Variants in ANO2 observed in about 807,000 individuals in gnomAD.
The protein encoded by ANO2 is anoctamin 2.
Under a neutral mutation model 124.2 loss-of-function variants are expected in ANO2, and 101 were observed. The ratio of observed to expected loss-of-function variants is 0.81; its 90% CI spans 0.69 to 0.96. ANO2 has a LOEUF of 0.96. ANO2 is among the 40% of genes least tolerant of loss of function. The pLI, the probability that ANO2 is intolerant of heterozygous loss-of-function variation, is 0.00. For synonymous variants in ANO2, 486 were observed against 482.5 expected (o/e 1.01, Z -0.09); for missense variants, 1,293 against 1,274.5 (o/e 1.01, Z -0.22).
chr12:5,644,928 G>A (rs779064212), intron 15 of ANO2, among the ~76,000 whole-genome samples: 1 of 152,154 alleles, frequency 6.6e-6, no homozygotes, highest in Non-Finnish European at 1.5e-5. Context: ...TCAGTTGTAA[G>A]TCCAGGTGTC....
intron 14 of ANO2, among the ~76,000 whole-genome samples, chr12:5,700,114 C>T (rs1949344415): frequency 6.6e-6 from 1 of 152,214 alleles, no homozygotes; most frequent in African/African-American, 2.4e-5. Context: ...CAGAACTCTC[C>T]ACCCCAAATC....
intron 14 of ANO2, among the ~76,000 whole-genome samples, chr12:5,727,964 G>A (rs191805148): frequency 4.6e-5 from 7 of 152,040 alleles, no homozygotes; most frequent in East Asian, 1.9e-4. Context: ...CCGCCACCAC[G>A]CCCAGCTAAT....
At chr12:5,812,062 G>A (rs975258855) in intron 7 of ANO2, among the ~76,000 whole-genome samples, 5 of 149,628 alleles carry the variant, frequency 3.3e-5, no homozygotes, top group South Asian at 2.1e-4. Flanking sequence ...GTAAGGGAGG[G>A]GAGGGGAGAA....
chr12:5,788,960 C>T (rs1367488202), intron 10 of ANO2, among the ~76,000 whole-genome samples: 1 of 152,188 alleles, frequency 6.6e-6, no homozygotes, highest in Non-Finnish European at 1.5e-5. Context: ...CTTTTTCTTT[C>T]GCATCATCCC....
chr12:5,757,721 G>C (rs1038365801), intron 10 of ANO2, among the ~76,000 whole-genome samples: 2 of 152,244 alleles, frequency 1.3e-5, no homozygotes, highest in Middle Eastern at 3.2e-3. Flanking sequence ...AGCTGAAGTT[G>C]TAAGGTAACC....
At chr12:5,720,687 G>C (rs373678099) in intron 14 of ANO2, among the ~76,000 whole-genome samples, 12 of 152,138 alleles carry the variant, frequency 7.9e-5, no homozygotes, top group African/African-American at 2.9e-4. Context: ...ATACCATCCT[G>C]AATCTGCCCA....
intron 4 of ANO2, among the ~76,000 whole-genome samples, chr12:5,853,355 A>G (rs1410995754): frequency 6.8e-6 from 1 of 147,646 alleles, no homozygotes; most frequent in Non-Finnish European, 1.5e-5. Flanking sequence ...AAAAAAAAAA[A>G]CTACCTCAAA....
chr12:5,730,488 C>T (rs1244249209), intron 14 of ANO2, among the ~76,000 whole-genome samples: 6 of 152,166 alleles, frequency 3.9e-5, no homozygotes, highest in Admixed American at 3.9e-4. Flanking sequence ...ATCAGGATTA[C>T]AGTGAAGGCA....
rs1228510066 is a variant in ANO2, at chr12:5,658,276, A to G, written c.1546-10475T>C. 2.0e-5 allele frequency among the ~76,000 whole-genome samples: 3 copies of G among 152,192 alleles called. No individual in the cohort carries two copies. The highest frequency in any genetic ancestry group is 2.0e-4 in the Admixed American group (3 of 15,280). The stretch of plus-strand genomic sequence containing the variant: ...AGAGATTGAAAATAGTGCCAACGGT[A>G]TGAGATTGCTGCTATGGAGATGAAA... On this transcript the variant is annotated intron_variant, in intron 14 of 24. Coordinates refer to ENST00000682330, the MANE Select transcript of ANO2 (RefSeq NM_001364791.2). This position sits in a 1 kb window ranked among gnomAD's most constrained non-coding sequence, Gnocchi z 4.3.
upstream of ANO2, among the ~76,000 whole-genome samples, chr12:5,945,425 T>C (rs1211378178): frequency 6.6e-6 from 1 of 152,014 alleles, no homozygotes; most frequent in Non-Finnish European, 1.5e-5. Flanking sequence ...GCCCGGGTGC[T>C]GGGAGCGGGG....
intron 16 of ANO2, among the ~76,000 whole-genome samples, chr12:5,627,780 G>T (rs903823293): frequency 6.6e-6 from 1 of 152,122 alleles, no homozygotes; most frequent in South Asian, 2.1e-4. Flanking sequence ...AGAATTGGAG[G>T]AAAAGTTTAG....
At chr12:5,715,451 G>T (rs1357513209) in intron 14 of ANO2, among the ~76,000 whole-genome samples, 1 of 152,134 alleles carries the variant, frequency 6.6e-6, no homozygotes, top group East Asian at 1.9e-4. Context: ...TCCAGGATTT[G>T]ATACAAGTAA....
chr12:5,895,289 T>C (rs1939701141), intron 3 of ANO2, among the ~76,000 whole-genome samples: 1 of 152,198 alleles, frequency 6.6e-6, no homozygotes, highest in Non-Finnish European at 1.5e-5. Context: ...TGGCTCTCTG[T>C]TTGTCTATTA....
rs1565784428 is a variant in ANO2 at position 5,923,235 on chromosome 12, TACACACACGCATACACACACATAC to T, written c.23-455_23-432del. Among the ~76,000 whole-genome samples, 17 of 92,006 alleles carry T rather than the reference TACACACACGCATACACACACATAC, an allele frequency of 1.8e-4. 1 individual carries two copies. The East Asian group carries it at 3.6e-3, about 19-fold the overall frequency. 60.4% of individuals were successfully genotyped at this position (92,006 alleles called of 152,430 possible). On this transcript the variant is annotated intron_variant, in intron 1 of 24. Coordinates refer to ENST00000682330, the MANE Select transcript of ANO2 (RefSeq NM_001364791.2). Reference sequence around the variant, plus strand: ...CCACATACACACACACATGCACACATACACACACGCATACACACACATACACACACACACACACACACACGCACA... The same window carrying T: ...CCACATACACACACACATGCACACATACACACACACACACACACACGCACA...
chr12:5,640,637 C>G lies in ANO2; in HGVS notation c.1621-5290G>C, dbSNP rs546403334. Among the ~76,000 whole-genome samples, 5 of 152,348 alleles carry G rather than the reference C, an allele frequency of 3.3e-5. No individual in the cohort carries two copies. The East Asian group carries it at 5.8e-4, about 18-fold the overall frequency. ...ACACATGAAAAAATGCTCATCATCA[C>G]TGGTCATCAGAGAAATGCAAATCAA... On this transcript the variant is annotated intron_variant, in intron 15 of 24. Coordinates refer to ENST00000682330, the MANE Select transcript of ANO2 (RefSeq NM_001364791.2).
chr12:5,746,746 A>G (rs1188001618), intron 11 of ANO2, among the ~76,000 whole-genome samples: 1 of 152,234 alleles, frequency 6.6e-6, no homozygotes, highest in East Asian at 1.9e-4. Flanking sequence ...TGTTAGCACA[A>G]CGGGAGAAGG....
At chr12:5,852,572 T>C (rs1954944614) in intron 4 of ANO2, among the ~76,000 whole-genome samples, 1 of 152,100 alleles carries the variant, frequency 6.6e-6, no homozygotes, top group Non-Finnish European at 1.5e-5. Context: ...TGTGCTGGTA[T>C]TTGATGAGTG....
intron 15 of ANO2, among the ~76,000 whole-genome samples, chr12:5,645,226 G>A (rs1946570412): frequency 6.6e-6 from 1 of 152,146 alleles, no homozygotes; most frequent in African/African-American, 2.4e-5. Flanking sequence ...ATTCCAGCCT[G>A]TATTGCAGTT....
rs201149284 is a variant in ANO2, at chr12:5,563,420, G to T, written c.2876C>A (p.Pro959Gln). Residue 959 changes from proline to glutamine, a missense_variant, in exon 25 of 25, where the codon CCG (proline) becomes CAG (glutamine). Coordinates refer to ENST00000682330, the MANE Select transcript of ANO2 (RefSeq NM_001364791.2). ...EHEKLKLMDE[P>Q]ALRSPGGGDR... ...CCCACCTCCTGGGCTCCTCAGAGCC[G>T]GCTCATCCATCAGCTTGAGCTTCTC... 9.9e-6 allele frequency: 16 copies of T among 1,612,244 alleles called. No homozygotes were observed. Among genetic ancestry groups the T allele is most frequent in the East Asian group, 2.2e-5 (1 of 44,822 alleles).
Sources: allele counts gnomAD v4.1 joint callset (sites outside exome capture counted in the v4.1 genomes callset), GRCh38; gene constraint gnomAD v4.1.1; non-coding constraint Gnocchi (gnomAD v3.1); transcripts MANE v1.5; gene names NCBI Gene and HGNC (gene_info 2026-07-23, HGNC 2026-07-21).